The following NCOA1 variants were observed in gnomAD, a reference collection of about 807,000 sequenced individuals.
NCOA1 encodes Hin-2 protein.
NCOA1 carries 35 observed loss-of-function variants against 150.9 expected under a neutral mutation model. The ratio of observed to expected loss-of-function variants is 0.23; its 90% CI spans 0.18 to 0.31. The LOEUF (loss-of-function observed/expected upper bound fraction) is 0.31. Ranked by LOEUF, NCOA1 falls within the 10% of genes least tolerant of loss-of-function variation. The pLI, the probability that NCOA1 is intolerant of heterozygous loss-of-function variation, is 1.00. For missense variants in NCOA1, 1,491 were observed against 1,749.3 expected, an observed-to-expected ratio of 0.85 and a Z score of 2.63; for synonymous variants, 590 against 630.0, an observed-to-expected ratio of 0.94 and a Z score of 0.95.
At chr2:24,660,780 C>T (rs1195381182) in intron 5 of NCOA1, among the ~76,000 whole-genome samples, 1 of 152,118 alleles carries the variant, frequency 6.6e-6, no homozygotes, top group Non-Finnish European at 1.5e-5. Context: ...GTTTCTTTGG[C>T]TGGGTACAGT....
chr2:24,618,044 A>C (rs547355700), intron 3 of NCOA1, among the ~76,000 whole-genome samples: 1 of 152,340 alleles, frequency 6.6e-6, no homozygotes, highest in East Asian at 1.9e-4. Context: ...ATATTTATAG[A>C]AAGAATGCAT....
chr2:24,705,094 C>T lies in NCOA1; in HGVS notation c.958C>T (p.Arg320Cys), dbSNP rs759510147. 4 of 1,613,550 alleles carry T rather than the reference C, an allele frequency of 2.5e-6. No homozygotes were observed. Among genetic ancestry groups the T allele is most frequent in the East Asian group, 2.2e-5 (1 of 44,882 alleles). The change falls in exon 12 of 23, where the codon CGT becomes TGT. Residue 320 changes from arginine to cysteine, a missense_variant. Transcript: ENST00000348332. ...ARQLFQEVMT[R>C]GTASSPSYRF... ...TCTTCTGTTTGAAACAGTGATGACTCGTGGCACTGCCTCCAGCCCCTCCTA... is the reference window on the plus strand; with the variant it reads ...TCTTCTGTTTGAAACAGTGATGACTTGTGGCACTGCCTCCAGCCCCTCCTA...
chr2:24,519,565 A>T (rs937294690), intron 1 of NCOA1, among the ~76,000 whole-genome samples: 1 of 151,468 alleles, frequency 6.6e-6, no homozygotes, highest in African/African-American at 2.4e-5. Context: ...CACATCTGTA[A>T]TCCCAGCACT....
intron 3 of NCOA1, among the ~76,000 whole-genome samples, chr2:24,624,860 G>C (rs1051142598): frequency 6.6e-6 from 1 of 152,174 alleles, no homozygotes; most frequent in Non-Finnish European, 1.5e-5. Flanking sequence ...AGGAGGAGGA[G>C]AAAGAGTATG....
At position 24,707,325 on chromosome 2, in the gene NCOA1, C is replaced by G; in HGVS notation, c.1855C>G (p.Leu619Val). 1.2e-6 allele frequency: 2 copies of G among 1,614,206 alleles called. No individual in the cohort carries two copies. The highest frequency in any genetic ancestry group is 1.7e-6 in the Non-Finnish European group (2 of 1,180,032). ...DSGLLHNNDR[L>V]SDGDSKYSQT... ...AGGGCTTCTGCATAACAATGACAGA[C>G]TTTCAGATGGAGACAGTAAATACTC... Residue 619 changes from leucine to valine, a missense_variant, in exon 13 of 23, where the codon CTT becomes GTT. By Grantham distance (32) the Leu-to-Val change is conservative (BLOSUM62 1). Transcript: ENST00000348332.
chr2:24,672,784 T>C (rs1671744076), intron 6 of NCOA1, among the ~76,000 whole-genome samples: 1 of 152,184 alleles, frequency 6.6e-6, no homozygotes, highest in African/African-American at 2.4e-5. Flanking sequence ...GTCTGACAGA[T>C]CAGAAACTTT....
At chr2:24,647,092 TTA>T (rs1670511453) in intron 4 of NCOA1, among the ~76,000 whole-genome samples, 1 of 152,156 alleles carries the variant, frequency 6.6e-6, no homozygotes, top group Non-Finnish European at 1.5e-5. Context: ...GATTCTTTGT[TTA>T]TATGTTTGAG....
At chr2:24,599,688 A>G (rs1311070245) in intron 3 of NCOA1, among the ~76,000 whole-genome samples, 2 of 150,514 alleles carry the variant, frequency 1.3e-5, no homozygotes, top group Non-Finnish European at 3.0e-5. Flanking sequence ...TGTAACTTAT[A>G]TACAGCCCTT....
At chr2:24,710,802 A>G in intron 13 of NCOA1, 129 bp from the exon 14 acceptor site, 1 of 881,576 alleles carries the variant, frequency 1.1e-6, no homozygotes, top group Non-Finnish European at 1.7e-6. Flanking sequence ...CATTCTAATT[A>G]TTTCTTCTTT....
At chr2:24,705,913 A>G (rs1673400414) in intron 12 of NCOA1, among the ~76,000 whole-genome samples, 1 of 152,036 alleles carries the variant, frequency 6.6e-6, no homozygotes, top group African/African-American at 2.4e-5. Flanking sequence ...TGAGTAAAGG[A>G]CTCACTGAAA....
chr2:24,505,100 G>T (rs1054014564), intron 1 of NCOA1, among the ~76,000 whole-genome samples: 2 of 151,718 alleles, frequency 1.3e-5, no homozygotes, highest in Non-Finnish European at 2.9e-5. Flanking sequence ...CATGAGGCTT[G>T]TTTTTTCCCT....
intron 1 of NCOA1, among the ~76,000 whole-genome samples, chr2:24,516,943 C>CTTATATAT (rs1664203241): frequency 8.6e-6 from 1 of 116,810 alleles, no homozygotes; most frequent in Admixed American, 8.5e-5. Context: ...TATATATATA[C>CTTATATAT]GTATATATAC....
In NCOA1 at chr2:24,726,613, C is replaced by A; in HGVS notation, c.2624C>A (p.Ala875Glu). 1 of 1,609,144 alleles carries A rather than the reference C, an allele frequency of 6.2e-7. No homozygotes were observed. The highest frequency in any genetic ancestry group is 8.5e-7 in the Non-Finnish European group (1 of 1,177,562). Reference sequence around the variant, plus strand: ...GGATTACCTGAGCTGGAATTGGAAGCAATTGATAACCAATTTGGACAACCA... The same window carrying A: ...GGATTACCTGAGCTGGAATTGGAAGAAATTGATAACCAATTTGGACAACCA... ...LNRLPELELEAIDNQFGQPGT... is the reference protein window; with the variant it reads ...LNRLPELELEEIDNQFGQPGT... Residue 875 changes from alanine to glutamate, a missense_variant, in exon 15 of 23, where the codon GCA becomes GAA. Transcript: ENST00000348332.
At chr2:24,521,337 C>T (rs575157052) in intron 1 of NCOA1, among the ~76,000 whole-genome samples, 1 of 152,278 alleles carries the variant, frequency 6.6e-6, no homozygotes, top group South Asian at 2.1e-4. Context: ...AGAATTTATT[C>T]ATGTTGTCAA....
At chr2:24,735,283 A>AAAAAAAAAAAGAAAAAGAAAAAGAAAATG (rs1663239018) in intron 17 of NCOA1, among the ~76,000 whole-genome samples, 2 of 152,194 alleles carry the variant, frequency 1.3e-5, no homozygotes, top group Admixed American at 6.5e-5. Flanking sequence ...GAATACACCC[A>AAAAAAAAAAAGAAAAAGAAAAAGAAAATG]GTTTGTAATC....
In NCOA1 at chr2:24,768,412, A is replaced by C. The variant is rs1665173974; in HGVS notation, c.*21A>C. 6.4e-7 allele frequency: 1 copy of C among 1,555,802 alleles called. No individual in the cohort carries two copies. Among genetic ancestry groups the C allele is most frequent in the Non-Finnish European group, 8.7e-7 (1 of 1,143,358 alleles). ...AATAACCACTTTTAAAGGAATGTGAAATTTAAATAATAGACATACAGAGAT... is the reference window on the plus strand; with the variant it reads ...AATAACCACTTTTAAAGGAATGTGACATTTAAATAATAGACATACAGAGAT... On this transcript the variant is annotated 3_prime_UTR_variant, in exon 23 of 23. Coordinates refer to ENST00000348332, the MANE Select transcript of NCOA1 (RefSeq NM_003743.5).
At chr2:24,540,446 G>A (rs1484054587) in intron 1 of NCOA1, among the ~76,000 whole-genome samples, 1 of 151,438 alleles carries the variant, frequency 6.6e-6, no homozygotes, top group Admixed American at 6.6e-5. Flanking sequence ...ATGATTGATA[G>A]CTGGGAGAAC....
intron 14 of NCOA1, among the ~76,000 whole-genome samples, chr2:24,721,237 G>A (rs1321419416): frequency 2.0e-5 from 3 of 151,994 alleles, no homozygotes; most frequent in African/African-American, 7.3e-5. Context: ...ACTTTTTATG[G>A]ATGCAATAGA....
intron 1 of NCOA1, among the ~76,000 whole-genome samples, chr2:24,555,760 G>T (rs528586224): frequency 3.4e-4 from 52 of 152,278 alleles, no homozygotes; most frequent in Admixed American, 7.8e-4. Flanking sequence ...TGTCGATATT[G>T]TATCAGTTCT....
Sources: allele counts gnomAD v4.1 joint callset (sites outside exome capture counted in the v4.1 genomes callset), GRCh38; gene constraint gnomAD v4.1.1; transcripts MANE v1.5; gene names NCBI Gene and HGNC (gene_info 2026-07-23, HGNC 2026-07-21).